The following ZNF831 variants were observed in gnomAD, a reference collection of about 807,000 sequenced individuals.
ZNF831 encodes zinc finger protein 831.
A neutral mutation model predicts 95.8 loss-of-function variants in ZNF831; 59 were observed. The ratio of observed to expected loss-of-function variants is 0.62; its 90% CI spans 0.50 to 0.77. The LOEUF (loss-of-function observed/expected upper bound fraction) is 0.77, where lower values mean the gene tolerates loss of function less well. Ranked by LOEUF, ZNF831 falls within the 30% of genes least tolerant of loss-of-function variation. The pLI is 0.00. For missense variants in ZNF831, 2,205 were observed against 2,164.0 expected (o/e 1.02, Z -0.38); for synonymous variants, 961 against 925.5 (o/e 1.04, Z -0.70).
At chr20:59,127,257 A>G (rs981522104) in intron 1 of ZNF831, among the ~76,000 whole-genome samples, 3 of 151,950 alleles carry the variant, frequency 2.0e-5, no homozygotes, top group African/African-American at 7.3e-5. Flanking sequence ...AGTCCACGTC[A>G]CCATTCCATT....
intron 4 of ZNF831, among the ~76,000 whole-genome samples, chr20:59,223,408 T>G (rs1986225383): frequency 6.6e-6 from 1 of 152,196 alleles, no homozygotes; most frequent in Non-Finnish European, 1.5e-5. Context: ...GAACTAGCCA[T>G]GTTTTTTAAA....
At chr20:59,157,602 T>C (rs1384768949) in intron 2 of ZNF831, among the ~76,000 whole-genome samples, 1 of 152,228 alleles carries the variant, frequency 6.6e-6, no homozygotes, top group African/African-American at 2.4e-5. Flanking sequence ...CCAGGGTCTC[T>C]CAGACCAGGA....
intron 4 of ZNF831, among the ~76,000 whole-genome samples, chr20:59,229,183 C>G (rs559953324): frequency 2.2e-4 from 34 of 152,262 alleles, no homozygotes; most frequent in African/African-American, 7.5e-4. Context: ...GTATACATAC[C>G]ACATTTTCTT....
At chr20:59,195,591 A>G (rs1984033279) in intron 2 of ZNF831, among the ~76,000 whole-genome samples, 1 of 152,114 alleles carries the variant, frequency 6.6e-6, no homozygotes, top group Non-Finnish European at 1.5e-5. Context: ...GGGATAGTAA[A>G]GGGGCTGGTC....
Position 59,194,514 on chromosome 20 carries a change from C to CAGTCCCCACAGCACCCAA in ZNF831, c.3497_3514dup (p.Ser1166_Gln1171dup), listed in dbSNP as rs1340856676. ...GGACGTCCCGGAGCCACAGCACCCG[C>CAGTCCCCACAGCACCCAA]AGTCCCCACAGCACCCAAAACCCCT... On this transcript the variant is annotated inframe_insertion, in exon 2 of 6. Transcript: ENST00000371030. The CAGTCCCCACAGCACCCAA allele has an allele frequency of 6.2e-7, 1 of 1,608,976 alleles. No homozygotes were observed. The highest frequency in any genetic ancestry group is 8.5e-7 in the Non-Finnish European group (1 of 1,177,608).
At chr20:59,157,122 T>G (rs956893767) in intron 2 of ZNF831, among the ~76,000 whole-genome samples, 3 of 152,200 alleles carry the variant, frequency 2.0e-5, no homozygotes, top group African/African-American at 7.2e-5. Flanking sequence ...TATAAATTAT[T>G]GTTGACTGTA....
intron 1 of ZNF831, among the ~76,000 whole-genome samples, chr20:59,171,727 A>T (rs1981750772): frequency 6.6e-6 from 1 of 152,220 alleles, no homozygotes. Flanking sequence ...AATAAAACTC[A>T]TTCATATAAC....
intron 4 of ZNF831, among the ~76,000 whole-genome samples, chr20:59,247,656 G>A (rs910808042): frequency 6.6e-6 from 1 of 152,092 alleles, no homozygotes; most frequent in African/African-American, 2.4e-5. Flanking sequence ...TTAATTAATA[G>A]TCTAGGAAAT....
At chr20:59,170,268 A>G (rs756478268) in intron 1 of ZNF831, among the ~76,000 whole-genome samples, 6 of 152,200 alleles carry the variant, frequency 3.9e-5, no homozygotes, top group Non-Finnish European at 7.3e-5. Flanking sequence ...TAATGTAAAC[A>G]TTTAGTGCTA....
intron 1 of ZNF831, among the ~76,000 whole-genome samples, chr20:59,145,843 C>T (rs1423525025): frequency 2.0e-5 from 3 of 152,118 alleles, no homozygotes; most frequent in Non-Finnish European, 4.4e-5. Context: ...AAGAGGGGAC[C>T]AAGGGAGCCC....
rs761404102 is a variant in ZNF831, at chr20:59,254,242, T to C, written c.4533T>C (p.Ala1511=). ...TDHIAQEIHS[A]ESRDHSQTAG... is the part of the protein sequence containing the mutation. ...ACATAGCCCAGGAAATTCACAGTGC[T>C]GAATCACGAGACCACAGCCAGACTG... is the stretch of plus-strand genomic sequence containing the variant. Residue 1511 remains alanine, a synonymous_variant, in exon 6 of 6, where the codon GCT becomes GCC. Coordinates refer to ENST00000371030, the MANE Select transcript of ZNF831 (RefSeq NM_178457.3). This position sits in a 1 kb window ranked among gnomAD's most constrained non-coding sequence, Gnocchi z 4.5. 1 of 1,614,066 alleles carries C rather than the reference T, an allele frequency of 6.2e-7. No individual in the cohort carries two copies. The highest frequency in any genetic ancestry group is 1.1e-5 in the South Asian group (1 of 91,080).
chr20:59,234,784 A>G (rs954316310), intron 4 of ZNF831, among the ~76,000 whole-genome samples: 3 of 152,236 alleles, frequency 2.0e-5, no homozygotes, highest in African/African-American at 7.2e-5. Context: ...TTTTAATTTT[A>G]TAACAGTTTT....
intron 4 of ZNF831, among the ~76,000 whole-genome samples, chr20:59,224,818 CCAAA>C (rs1751057640): frequency 6.6e-6 from 1 of 152,106 alleles, no homozygotes; most frequent in South Asian, 2.1e-4. Context: ...TCATCTTTGT[CCAAA>C]CAAATTAAAT....
chr20:59,165,145 C>G (rs7347478), intron 1 of ZNF831, among the ~76,000 whole-genome samples: 2,034 of 152,246 alleles, frequency 0.013, 47 homozygotes, highest in African/African-American at 0.046. Flanking sequence ...CGCTGGGAAG[C>G]TGGGGAGGGT....
chr20:59,227,788 A>G (rs1986509389), intron 4 of ZNF831, among the ~76,000 whole-genome samples: 1 of 152,146 alleles, frequency 6.6e-6, no homozygotes. Flanking sequence ...ATCAGTCACT[A>G]TTATGGGCCC....
In ZNF831 at chr20:59,194,650, T is replaced by A. The variant is rs1238072835; in HGVS notation, c.3631T>A (p.Phe1211Ile). ...KAASVYLAVHFPGSSLRDEGP... is the reference protein window; with the variant it reads ...KAASVYLAVHIPGSSLRDEGP... ...GGCATCTGTGTACTTGGCGGTGCAC[T>A]TTCCTGGTAGCAGCCTCCGAGATGA... is the stretch of plus-strand genomic sequence containing the variant. Residue 1211 changes from phenylalanine (F) to isoleucine (I), a missense_variant, in exon 2 of 6, where the codon TTT becomes ATT. Physicochemically the swap from Phe to Ile is conservative, Grantham distance 21 (BLOSUM62 0). Transcript: ENST00000371030. 1 of 1,613,498 alleles carries A rather than the reference T, an allele frequency of 6.2e-7. No individual in the cohort carries two copies. The highest frequency in any genetic ancestry group is 8.5e-7 in the Non-Finnish European group (1 of 1,179,830).
rs1985789781 is a variant in ZNF831, at chr20:59,217,697, G to A, written c.4027+10641G>A. ...CCTCCTTGATTCTCACTAGGGGTCT[G>A]TTATCCATTCTGTCCGTGGAAGGCT... On this transcript the variant is annotated intron_variant, in intron 4 of 5. Coordinates refer to ENST00000371030, the MANE Select transcript of ZNF831 (RefSeq NM_178457.3). The surrounding 1 kb of genome is among the most constrained non-coding windows in gnomAD (Gnocchi z 4.4). Among the ~76,000 whole-genome samples the A allele has an allele frequency of 6.6e-6, 1 of 152,130 alleles. No homozygotes were observed. Among genetic ancestry groups the A allele is most frequent in the South Asian group, 2.1e-4 (1 of 4,830 alleles).
rs1244342992 is a variant in ZNF831, at chr20:59,126,858, C to T, written c.-1425+3353C>T. ...CTCCGTCGTCTTTGTGGCTTCTCCT[C>T]TTCTGAGCTCTGGGTGTTGGGCTGC... On this transcript the variant is annotated intron_variant, in intron 1 of 7. Coordinates refer to the ZNF831 transcript ENST00000637017. 4.6e-5 allele frequency among the ~76,000 whole-genome samples: 7 copies of T among 152,228 alleles called. No individual in the cohort carries two copies. In the East Asian group the frequency reaches 1.3e-3, roughly 29 times the overall value.
chr20:59,204,717 C>T (rs1568767546), intron 3 of ZNF831, among the ~76,000 whole-genome samples: 1 of 152,128 alleles, frequency 6.6e-6, no homozygotes, highest in Non-Finnish European at 1.5e-5. Flanking sequence ...AGTGTATCAC[C>T]CTCACAGCCG....
Sources: gnomAD v4.1 joint callset for allele counts (sites outside exome capture counted in the v4.1 genomes callset) on GRCh38, gnomAD v4.1.1 for gene constraint, Gnocchi (gnomAD v3.1) non-coding constraint, MANE v1.5 for transcripts, NCBI Gene and HGNC (gene_info 2026-07-23, HGNC 2026-07-21) for gene names.